The following JAZF1 variants were observed in gnomAD, a reference collection of about 807,000 sequenced individuals.
The protein encoded by JAZF1 is JAZF zinc finger 1.
Under a neutral mutation model 26.4 loss-of-function variants are expected in JAZF1, and 8 were observed. That is an observed-to-expected ratio of 0.30 (90% CI 0.18 to 0.55). The LOEUF (loss-of-function observed/expected upper bound fraction) is 0.55, where lower values mean the gene tolerates loss of function less well. Among genes scored for constraint, JAZF1 ranks in the 20% least tolerant of loss-of-function variants. The pLI, the probability that JAZF1 is intolerant of heterozygous loss-of-function variation, is 0.94. For synonymous variants in JAZF1, 126 were observed against 122.3 expected (o/e 1.03, Z -0.20); for missense variants, 199 against 322.0 (o/e 0.62, Z 2.92).
chr7:28,083,716 T>C (rs1297369058), intron 1 of JAZF1, among the ~76,000 whole-genome samples: 1 of 152,080 alleles, frequency 6.6e-6, no homozygotes, highest in Non-Finnish European at 1.5e-5. Flanking sequence ...AGATACATTT[T>C]TAAAGTTCTT....
chr7:27,966,304 C>A (rs572181735), intron 2 of JAZF1, among the ~76,000 whole-genome samples: 1 of 152,242 alleles, frequency 6.6e-6, no homozygotes, highest in Admixed American at 6.5e-5. Context: ...TTAATCCCTA[C>A]CCACTCTTTC....
intron 1 of JAZF1, among the ~76,000 whole-genome samples, chr7:28,077,802 T>A (rs1784074908): frequency 6.6e-6 from 1 of 152,146 alleles, no homozygotes; most frequent in African/African-American, 2.4e-5. Flanking sequence ...TGAAACTACT[T>A]AAAGAGCTGG....
At chr7:28,120,010 T>C (rs1445843553) in intron 1 of JAZF1, among the ~76,000 whole-genome samples, 2 of 152,184 alleles carry the variant, frequency 1.3e-5, no homozygotes, top group East Asian at 3.8e-4. Context: ...TGTAGTCTTT[T>C]CTGTTCCCTC....
rs893647617 is a variant in JAZF1 at position 27,963,211 on chromosome 7, C to T, written c.188+28698G>A. On this transcript the variant is annotated intron_variant, in intron 2 of 4. Transcript: ENST00000283928. ...AATTTGGCATACAGCATTCTGCAAA[C>T]ATTTTCTATTTAAGTCAAGGACAAT... Among the ~76,000 whole-genome samples, 32 of 152,306 alleles carry T rather than the reference C, an allele frequency of 2.1e-4. 1 individual carries two copies. The highest frequency in any genetic ancestry group is 7.7e-4 in the African/African-American group (32 of 41,590).
chr7:28,050,935 C>T (rs1342959493), intron 1 of JAZF1, among the ~76,000 whole-genome samples: 1 of 151,894 alleles, frequency 6.6e-6, no homozygotes, highest in African/African-American at 2.4e-5. Context: ...AGTTCAAGAC[C>T]AGCCTGGCCA....
intron 3 of JAZF1, chr7:27,846,623 G>C: frequency 2.2e-6 from 1 of 461,710 alleles, no homozygotes; most frequent in Non-Finnish European, 4.5e-6. Flanking sequence ...GTTATTACTT[G>C]TCTTTTTGAT....
intron 1 of JAZF1, among the ~76,000 whole-genome samples, chr7:28,149,730 C>G (rs536185560): frequency 2.1e-4 from 32 of 152,318 alleles, no homozygotes; most frequent in Admixed American, 1.7e-3. Context: ...TGAGAGCTGT[C>G]TAAAACGAAT....
intron 1 of JAZF1, among the ~76,000 whole-genome samples, chr7:28,139,779 T>C (rs957162437): frequency 6.6e-6 from 1 of 152,234 alleles, no homozygotes; most frequent in African/African-American, 2.4e-5. Context: ...TTTAATCACA[T>C]TTACTGAGGA....
intron 2 of JAZF1, among the ~76,000 whole-genome samples, chr7:27,968,309 T>C (rs1322021634): frequency 6.6e-6 from 1 of 152,170 alleles, no homozygotes; most frequent in Non-Finnish European, 1.5e-5. Flanking sequence ...AATAAACTTA[T>C]TAACAGATGG....
chr7:28,170,668 T>C (rs1783448461), intron 1 of JAZF1, among the ~76,000 whole-genome samples: 2 of 152,156 alleles, frequency 1.3e-5, no homozygotes, highest in African/African-American at 2.4e-5. Flanking sequence ...GGCATCAAAA[T>C]ATGTCATCAA....
rs141011479 is a variant in JAZF1, at chr7:27,891,733, G to A, written c.385+3487C>T. 1.2e-3 allele frequency among the ~76,000 whole-genome samples: 183 copies of A among 152,248 alleles called. 1 individual carries two copies. Among genetic ancestry groups the A allele is most frequent in the African/African-American group, 4.2e-3 (176 of 41,554 alleles). ...AGTCCCAGCTACACAGGAGGCTGACGTGAGCTACACAGGAGGCTGAGCCCA... is the reference window on the plus strand; with the variant it reads ...AGTCCCAGCTACACAGGAGGCTGACATGAGCTACACAGGAGGCTGAGCCCA... On this transcript the variant is annotated intron_variant, in intron 3 of 4. Coordinates refer to ENST00000283928, the MANE Select transcript of JAZF1 (RefSeq NM_175061.4).
chr7:28,077,211 T>C (rs1440739040), intron 1 of JAZF1, among the ~76,000 whole-genome samples: 1 of 152,156 alleles, frequency 6.6e-6, no homozygotes, highest in Admixed American at 6.5e-5. Context: ...CAATGTTTAG[T>C]CTCTTAAGAA....
At chr7:28,110,566 GA>G (rs1554289044) in intron 1 of JAZF1, among the ~76,000 whole-genome samples, 2 of 120,928 alleles carry the variant, frequency 1.7e-5, no homozygotes, top group African/African-American at 6.1e-5. Context: ...AAAGGGAAAG[GA>G]AAAGGGAAAG....
chr7:28,019,364 C>T (rs1384340994), intron 1 of JAZF1, among the ~76,000 whole-genome samples: 2 of 152,138 alleles, frequency 1.3e-5, no homozygotes, highest in Non-Finnish European at 2.9e-5. Context: ...GGGTGGCAAC[C>T]TCTGCCGGCT....
rs57480840 is a variant in JAZF1 at position 28,040,628 on chromosome 7, G to A, written c.116-48647C>T. Among the ~76,000 whole-genome samples, 4,049 of 152,140 alleles carry A rather than the reference G, an allele frequency of 0.027. 316 individuals carry two copies. The East Asian group carries it at 0.32, about 12-fold the overall frequency. On this transcript the variant is annotated intron_variant, in intron 1 of 4. Transcript: ENST00000283928. ...GGCAGCCATAGAGTCTAGGCCACCC[G>A]GCAGATGAGGGTGTCGGGGTGTAGA...
chr7:28,142,589 A>C (rs550531805), intron 1 of JAZF1, among the ~76,000 whole-genome samples: 10 of 152,128 alleles, frequency 6.6e-5, no homozygotes, highest in Non-Finnish European at 1.3e-4. Flanking sequence ...TGCCATTTTT[A>C]GCTCCCAGCA....
chr7:28,126,801 G>C (rs1411810276), intron 1 of JAZF1, among the ~76,000 whole-genome samples: 1 of 152,230 alleles, frequency 6.6e-6, no homozygotes, highest in South Asian at 2.1e-4. Context: ...GGGAGGGGAG[G>C]AGTGAAAACA....
At chr7:28,145,094 G>C (rs1459494444) in intron 1 of JAZF1, among the ~76,000 whole-genome samples, 1 of 152,058 alleles carries the variant, frequency 6.6e-6, no homozygotes. Flanking sequence ...ACTGAACAAG[G>C]AATAAAGAAA....
intron 1 of JAZF1, among the ~76,000 whole-genome samples, chr7:28,068,639 GT>G (rs758325184): frequency 1.3e-5 from 2 of 152,018 alleles, no homozygotes; most frequent in Non-Finnish European, 2.9e-5. Context: ...TACATTATAG[GT>G]TTTGAGATAC....
Sources: gnomAD v4.1 joint callset for allele counts (sites outside exome capture counted in the v4.1 genomes callset) on GRCh38, gnomAD v4.1.1 for gene constraint, MANE v1.5 for transcripts, NCBI Gene and HGNC (gene_info 2026-07-23, HGNC 2026-07-21) for gene names.